The following CAMK1D variants were observed in gnomAD, a reference collection of about 807,000 sequenced individuals.
The protein encoded by CAMK1D is calcium/calmodulin dependent protein kinase ID.
CAMK1D carries 9 observed loss-of-function variants against 47.7 expected under a neutral mutation model. That is an observed-to-expected ratio of 0.19 (90% CI 0.11 to 0.33). The LOEUF (loss-of-function observed/expected upper bound fraction) is 0.33. Ranked by LOEUF, CAMK1D falls within the 10% of genes least tolerant of loss-of-function variation. CAMK1D has a pLI of 1.00. For missense variants in CAMK1D, 291 were observed against 488.7 expected (o/e 0.60, Z 3.81); for synonymous variants, 184 against 184.9 (o/e 0.99, Z 0.04).
At chr10:12,618,141 G>GTC (rs1397239744) in intron 2 of CAMK1D, among the ~76,000 whole-genome samples, 1 of 152,122 alleles carries the variant, frequency 6.6e-6, no homozygotes. Flanking sequence ...AGGGCTCTGT[G>GTC]TCTCTCTCTC....
At chr10:12,609,369 C>G (rs1838557654) in intron 2 of CAMK1D, among the ~76,000 whole-genome samples, 2 of 152,268 alleles carry the variant, frequency 1.3e-5, no homozygotes, top group African/African-American at 4.8e-5. Flanking sequence ...CGAGATGATT[C>G]CAGCACATTA....
intron 2 of CAMK1D, among the ~76,000 whole-genome samples, chr10:12,602,605 T>G (rs1379444888): frequency 6.6e-6 from 1 of 152,202 alleles, no homozygotes; most frequent in Non-Finnish European, 1.5e-5. Flanking sequence ...CAGATCCATT[T>G]TATCTGCTGT....
chr10:12,799,426 A>G (rs1838334727), intron 6 of CAMK1D, among the ~76,000 whole-genome samples: 1 of 151,724 alleles, frequency 6.6e-6, no homozygotes, highest in South Asian at 2.1e-4. Flanking sequence ...AGAGGGAGAA[A>G]AAGAAGGAGA....
intron 2 of CAMK1D, among the ~76,000 whole-genome samples, chr10:12,611,609 T>TG (rs1554796855): frequency 3.2e-5 from 4 of 124,766 alleles, no homozygotes; most frequent in East Asian, 2.4e-4. Context: ...TTTTTTTTTT[T>TG]GAGACAGAGT....
intron 1 of CAMK1D, among the ~76,000 whole-genome samples, chr10:12,439,615 A>G (rs1832726752): frequency 6.6e-6 from 1 of 152,154 alleles, no homozygotes; most frequent in African/African-American, 2.4e-5. Flanking sequence ...TTGCAGTTGA[A>G]TTCACTGTCC....
At chr10:12,805,388 A>T (rs1428181303) in intron 6 of CAMK1D, among the ~76,000 whole-genome samples, 11 of 138,144 alleles carry the variant, frequency 8.0e-5, no homozygotes, top group African/African-American at 2.1e-4. Flanking sequence ...TTTTTTTTTT[A>T]AACACAGAGT....
intron 3 of CAMK1D, among the ~76,000 whole-genome samples, chr10:12,747,307 G>A (rs1045484544): frequency 1.8e-4 from 28 of 152,204 alleles, no homozygotes; most frequent in African/African-American, 4.8e-4. Flanking sequence ...TGGGATTACC[G>A]GCGTTTGTTC....
At position 12,674,285 on chromosome 10, in the gene CAMK1D, T is replaced by A. The variant is rs569342254; in HGVS notation, c.299+7475T>A. The stretch of plus-strand genomic sequence containing the variant: ...AGAAAGTGGAAAGAGTTTTTGTTTT[T>A]ATTTTGTTTTTGTTTGACTAAAGAG... On this transcript the variant is annotated intron_variant, in intron 3 of 10. Transcript: ENST00000619168. Among the ~76,000 whole-genome samples the A allele has an allele frequency of 3.3e-5, 5 of 152,364 alleles. No individual in the cohort carries two copies. In the South Asian group the frequency reaches 1.0e-3, roughly 32 times the overall value.
At chr10:12,464,722 G>A (rs1441756656) in intron 1 of CAMK1D, among the ~76,000 whole-genome samples, 1 of 151,828 alleles carries the variant, frequency 6.6e-6, no homozygotes, top group African/African-American at 2.4e-5. Context: ...GGCTGAGGCA[G>A]GAGAATGGCA....
intron 3 of CAMK1D, among the ~76,000 whole-genome samples, chr10:12,727,496 T>C (rs1834697771): frequency 6.6e-6 from 1 of 152,224 alleles, no homozygotes; most frequent in Non-Finnish European, 1.5e-5. Context: ...CGATGTTTTA[T>C]GGAACAAGCA....
chr10:12,419,936 G>A (rs1040365414), intron 1 of CAMK1D, among the ~76,000 whole-genome samples: 2 of 151,640 alleles, frequency 1.3e-5, no homozygotes, highest in African/African-American at 4.8e-5. Context: ...TTCAGCCTTA[G>A]TGAAAAATGA....
rs182281826 is a variant in CAMK1D, at chr10:12,409,367, C to T, written c.92+59457C>T. Among the ~76,000 whole-genome samples the T allele has an allele frequency of 1.1e-3, 163 of 152,226 alleles. 1 individual carries two copies. Among genetic ancestry groups the T allele is most frequent in the African/African-American group, 3.7e-3 (154 of 41,530 alleles). ...ATGAATAAGTTACACATTGTGATAACGGCTGTGATAGAGGATAGAGGGGAA... is the reference window on the plus strand; with the variant it reads ...ATGAATAAGTTACACATTGTGATAATGGCTGTGATAGAGGATAGAGGGGAA... On this transcript the variant is annotated intron_variant, in intron 1 of 10. Coordinates refer to ENST00000619168, the MANE Select transcript of CAMK1D (RefSeq NM_153498.4).
At chr10:12,595,291 G>A (rs995985614) in intron 2 of CAMK1D, among the ~76,000 whole-genome samples, 1 of 113,898 alleles carries the variant, frequency 8.8e-6, no homozygotes, top group Non-Finnish European at 1.6e-5. Context: ...GCAATGAGCC[G>A]AGATCACACC....
Position 12,566,945 on chromosome 10 carries a change from G to A in CAMK1D, c.224+13589G>A, listed in dbSNP as rs537287311. Among the ~76,000 whole-genome samples, 42 of 152,260 alleles carry A rather than the reference G, an allele frequency of 2.8e-4. No homozygotes were observed. In the South Asian group the frequency reaches 5.4e-3, roughly 20 times the overall value. On this transcript the variant is annotated intron_variant, in intron 2 of 10. Coordinates refer to ENST00000619168, the MANE Select transcript of CAMK1D (RefSeq NM_153498.4). ...TTTTCCAGCTGCTTGGATTGCCGTC[G>A]TATGCTGCTCCAAGCTGCCTCCAGT...
chr10:12,623,731 A>G (rs1166374221), intron 2 of CAMK1D, among the ~76,000 whole-genome samples: 2 of 151,842 alleles, frequency 1.3e-5, no homozygotes, highest in African/African-American at 2.4e-5. Context: ...CCCCCAAAAT[A>G]GCATTTTACT....
At chr10:12,789,329 C>G (rs933255497) in intron 5 of CAMK1D, among the ~76,000 whole-genome samples, 1 of 152,068 alleles carries the variant, frequency 6.6e-6, no homozygotes, top group Non-Finnish European at 1.5e-5. Context: ...GATTGGACAC[C>G]CATGTAAACC....
rs1481854198 is a variant in CAMK1D, at chr10:12,396,796, A to G, written c.92+46886A>G. On this transcript the variant is annotated intron_variant, in intron 1 of 10. Coordinates refer to ENST00000619168, the MANE Select transcript of CAMK1D (RefSeq NM_153498.4). ...ACGTAGGCTCCCCGTGGCCATGTCC[A>G]CGTCCACTGGGCAGGCTCCTTGCCT... is the stretch of plus-strand genomic sequence containing the variant. Among the ~76,000 whole-genome samples, 3 of 152,102 alleles carry G rather than the reference A, an allele frequency of 2.0e-5. No homozygotes were observed. In the East Asian group the frequency reaches 5.8e-4, roughly 29 times the overall value.
intron 1 of CAMK1D, among the ~76,000 whole-genome samples, chr10:12,367,213 A>G (rs1177837914): frequency 7.5e-6 from 1 of 132,704 alleles, no homozygotes; most frequent in Non-Finnish European, 1.8e-5. Context: ...GCTTCATGAC[A>G]TAAAATAAAC....
chr10:12,745,249 C>T (rs1486575824), intron 3 of CAMK1D, among the ~76,000 whole-genome samples: 1 of 152,154 alleles, frequency 6.6e-6, no homozygotes, highest in Non-Finnish European at 1.5e-5. Flanking sequence ...CCAGGATGGT[C>T]TCGATTTCCT....
Sources: gnomAD v4.1 joint callset for allele counts (sites outside exome capture counted in the v4.1 genomes callset) on GRCh38, gnomAD v4.1.1 for gene constraint, MANE v1.5 for transcripts, NCBI Gene and HGNC (gene_info 2026-07-23, HGNC 2026-07-21) for gene names.